Variants in DSCAM observed in about 807,000 individuals in gnomAD.
DSCAM encodes cell adhesion molecule DSCAM.
In DSCAM, 47 loss-of-function variants were observed where a neutral mutation model predicts 217.7. The ratio of observed to expected loss-of-function variants is 0.22; its 90% confidence interval spans 0.17 to 0.28. The LOEUF is 0.28. Among genes scored for constraint, DSCAM ranks in the 10% least tolerant of loss-of-function variants. DSCAM has a pLI of 1.00. For missense variants in DSCAM, 2,080 were observed against 2,618.3 expected (o/e 0.79, Z 4.49); for synonymous variants, 1,056 against 1,015.3 (o/e 1.04, Z -0.76).
At position 40,260,640 on chromosome 21, in the gene DSCAM, C is replaced by T. The variant is rs146164371; in HGVS notation, c.2356+15457G>A. The stretch of plus-strand genomic sequence containing the variant: ...GAATAAATCATCAGAGAAACATCTC[C>T]AAGCCTTGCCTGTCCATCAGCTTAT... On this transcript the variant is annotated intron_variant, in intron 11 of 32. Coordinates refer to ENST00000400454, the MANE Select transcript of DSCAM (RefSeq NM_001389.5). 2.9e-3 allele frequency among the ~76,000 whole-genome samples: 445 copies of T among 152,304 alleles called. 1 individual carries two copies. The highest frequency in any genetic ancestry group is 0.01 in the African/African-American group (416 of 41,570).
At chr21:40,554,004 G>A (rs937187582) in intron 3 of DSCAM, among the ~76,000 whole-genome samples, 1 of 151,972 alleles carries the variant, frequency 6.6e-6, no homozygotes, top group African/African-American at 2.4e-5. Context: ...GTCATTTGTA[G>A]AGGTATTGTT....
chr21:40,768,488 C>T (rs2091415845), intron 1 of DSCAM, among the ~76,000 whole-genome samples: 1 of 152,220 alleles, frequency 6.6e-6, no homozygotes, highest in Non-Finnish European at 1.5e-5. Flanking sequence ...AAGCATTCTT[C>T]TCTATCCCTC....
At chr21:40,821,955 C>T (rs1378105015) in intron 1 of DSCAM, among the ~76,000 whole-genome samples, 1 of 151,716 alleles carries the variant, frequency 6.6e-6, no homozygotes, top group Non-Finnish European at 1.5e-5. Context: ...GTACAACAAA[C>T]CTCCATGACA....
At chr21:40,350,602 G>A (rs1424232094) in intron 5 of DSCAM, among the ~76,000 whole-genome samples, 3 of 152,146 alleles carry the variant, frequency 2.0e-5, no homozygotes, top group Admixed American at 6.5e-5. Context: ...ACCAACCAGA[G>A]TGATGGAGGG....
chr21:40,808,501 T>C (rs2091808687), intron 1 of DSCAM, among the ~76,000 whole-genome samples: 1 of 145,676 alleles, frequency 6.9e-6, no homozygotes, highest in Admixed American at 7.1e-5. Context: ...TGAGACATAG[T>C]CTCTCTCTGT....
intron 3 of DSCAM, among the ~76,000 whole-genome samples, chr21:40,376,589 T>TATATAG (rs760098848): frequency 0.13 from 1,774 of 13,968 alleles, 297 homozygotes; most frequent in Middle Eastern, 0.29. Context: ...CTATATATCT[T>TATATAG]ATATCGATAT....
chr21:40,708,566 A>T lies in DSCAM; in HGVS notation c.249T>A (p.Ile83=), dbSNP rs769451660. Residue 83 remains isoleucine (I), a synonymous_variant, in exon 2 of 33, where the codon ATT becomes ATA. Transcript: ENST00000400454. ...TGAAGCTTGAAGGAGGGAAGGGGAA[A>T]ATTTGGAGAGTGCCGTTGGGGTGGA... The part of the protein sequence containing the change: ...RHVHPNGTLQ[I]FPFPPSSFST... 9.4e-6 allele frequency: 15 copies of T among 1,604,058 alleles called. No homozygotes were observed. In the East Asian group the frequency reaches 3.4e-4, roughly 36 times the overall value.
chr21:40,587,656 A>C (rs971531449), intron 3 of DSCAM, among the ~76,000 whole-genome samples: 4 of 152,228 alleles, frequency 2.6e-5, no homozygotes, highest in African/African-American at 9.6e-5. Flanking sequence ...AATTTTTTTC[A>C]GTGATGCTGC....
chr21:40,662,279 C>A (rs2090147009), intron 3 of DSCAM, among the ~76,000 whole-genome samples: 1 of 151,962 alleles, frequency 6.6e-6, no homozygotes, highest in Non-Finnish European at 1.5e-5. Flanking sequence ...CAGTTCTCTA[C>A]ATTTTTTTCC....
intron 21 of DSCAM, among the ~76,000 whole-genome samples, chr21:40,089,755 A>G (rs929940810): frequency 6.6e-6 from 1 of 151,756 alleles, no homozygotes; most frequent in Non-Finnish European, 1.5e-5. Flanking sequence ...GGGCTGCCCA[A>G]CTGACTGTCT....
intron 3 of DSCAM, among the ~76,000 whole-genome samples, chr21:40,621,011 T>C (rs922965927): frequency 2.0e-5 from 3 of 152,172 alleles, no homozygotes; most frequent in South Asian, 2.1e-4. Flanking sequence ...TCCATTGATA[T>C]GACATTCTAG....
intron 3 of DSCAM, among the ~76,000 whole-genome samples, chr21:40,515,168 T>G (rs968696108): frequency 3.3e-5 from 5 of 152,186 alleles, no homozygotes; most frequent in African/African-American, 9.7e-5. Flanking sequence ...TCAAAAAGAC[T>G]GCGAATTCAT....
chr21:40,626,330 G>T lies in DSCAM; in HGVS notation c.508+66480C>A, dbSNP rs900191674. 4.6e-5 allele frequency among the ~76,000 whole-genome samples: 7 copies of T among 151,978 alleles called. No individual in the cohort carries two copies. The East Asian group carries it at 1.2e-3, about 25-fold the overall frequency. Reference sequence around the variant, plus strand: ...CCACTTACCTCTACTTCCATTTGAGGTCACCATCATCCCTTATGTAGACAC... The same window carrying T: ...CCACTTACCTCTACTTCCATTTGAGTTCACCATCATCCCTTATGTAGACAC... On this transcript the variant is annotated intron_variant, in intron 3 of 32. Transcript: ENST00000400454.
intron 20 of DSCAM, among the ~76,000 whole-genome samples, chr21:40,098,834 G>T (rs2089715246): frequency 6.6e-6 from 1 of 152,112 alleles, no homozygotes; most frequent in Non-Finnish European, 1.5e-5. Flanking sequence ...AATCTAGCAT[G>T]CACGTGCATG....
chr21:40,206,082 T>C (rs1265474459), intron 11 of DSCAM, among the ~76,000 whole-genome samples: 1 of 152,190 alleles, frequency 6.6e-6, no homozygotes, highest in East Asian at 1.9e-4. Context: ...TGACACAACG[T>C]GTAACCTGTG....
chr21:40,245,840 T>G, intron 11 of DSCAM, among the ~76,000 whole-genome samples: 1 of 152,114 alleles, frequency 6.6e-6, no homozygotes, highest in Admixed American at 6.5e-5. Flanking sequence ...GATGGTAGAT[T>G]GCTGATAAGA....
At chr21:40,808,714 A>G (rs1470915551) in intron 1 of DSCAM, among the ~76,000 whole-genome samples, 1 of 151,952 alleles carries the variant, frequency 6.6e-6, no homozygotes, top group African/African-American at 2.4e-5. Flanking sequence ...GGTTCAAACA[A>G]TCCTCCCACC....
chr21:40,751,642 A>C (rs1258674474), intron 1 of DSCAM, among the ~76,000 whole-genome samples: 1 of 152,186 alleles, frequency 6.6e-6, no homozygotes, highest in Non-Finnish European at 1.5e-5. Flanking sequence ...ACAACTACAA[A>C]GAACATTGAG....
intron 8 of DSCAM, among the ~76,000 whole-genome samples, chr21:40,328,615 C>T (rs751892374): frequency 1.6e-4 from 25 of 151,912 alleles, no homozygotes; most frequent in Middle Eastern, 3.2e-3. Context: ...GGACAACAAA[C>T]GCAAAAATAG....
Sources: gnomAD v4.1 joint callset for allele counts (sites outside exome capture counted in the v4.1 genomes callset) on GRCh38, gnomAD v4.1.1 for gene constraint, MANE v1.5 for transcripts, NCBI Gene and HGNC (gene_info 2026-07-23, HGNC 2026-07-21) for gene names.